The following ARB2A variants were observed in gnomAD, a reference collection of about 807,000 sequenced individuals.
ARB2A encodes the protein cotranscriptional regulator ARB2A.
chr5:93,798,455 A>G, the ARB2A span, among the ~76,000 whole-genome samples: 1 of 152,056 alleles, frequency 6.6e-6, no homozygotes, highest in African/African-American at 2.4e-5. Context: ...CTGCCTTAAG[A>G]TTTACATTCT....
the ARB2A span, among the ~76,000 whole-genome samples, chr5:94,082,021 C>G: frequency 6.6e-6 from 1 of 152,134 alleles, no homozygotes; most frequent in East Asian, 1.9e-4. Flanking sequence ...TAGCAATTGT[C>G]TAGGCATACT....
chr5:94,056,613 A>C, the ARB2A span, among the ~76,000 whole-genome samples: 1 of 151,358 alleles, frequency 6.6e-6, no homozygotes, highest in East Asian at 1.9e-4. Context: ...CTAGTGGTTA[A>C]AGTGATCCAG....
chr5:93,789,036 G>T, the ARB2A span, among the ~76,000 whole-genome samples: 3 of 152,266 alleles, frequency 2.0e-5, no homozygotes, highest in East Asian at 5.8e-4. Context: ...AGCCAGTGTG[G>T]GTTGGGGTAG....
chr5:93,893,477 C>G, the ARB2A span, among the ~76,000 whole-genome samples: 37 of 152,088 alleles, frequency 2.4e-4, no homozygotes, highest in Admixed American at 2.4e-3. Flanking sequence ...CAACGGGTGT[C>G]CAGTAATGGT....
the ARB2A span, among the ~76,000 whole-genome samples, chr5:94,011,707 T>C: frequency 1.3e-5 from 2 of 151,924 alleles, no homozygotes; most frequent in Non-Finnish European, 2.9e-5. Context: ...AAACGATAAA[T>C]TCGGTTTTGC....
At chr5:94,016,886 G>C in the ARB2A span, among the ~76,000 whole-genome samples, 1 of 152,178 alleles carries the variant, frequency 6.6e-6, no homozygotes, top group Non-Finnish European at 1.5e-5. Flanking sequence ...TAGGGTTGAA[G>C]TTTTTAAGTG....
At chr5:94,013,547 T>C in the ARB2A span, among the ~76,000 whole-genome samples, 1 of 152,112 alleles carries the variant, frequency 6.6e-6, no homozygotes, top group Non-Finnish European at 1.5e-5. Flanking sequence ...CTTTAACTCT[T>C]TGGGGCATGA....
the ARB2A span, among the ~76,000 whole-genome samples, chr5:93,899,111 G>C: frequency 6.6e-6 from 1 of 152,078 alleles, no homozygotes; most frequent in Non-Finnish European, 1.5e-5. Context: ...GAATTCTCAA[G>C]TGACAAAAAT....
chr5:93,807,196 G>A, the ARB2A span, among the ~76,000 whole-genome samples: 1 of 151,894 alleles, frequency 6.6e-6, no homozygotes, highest in African/African-American at 2.4e-5. Flanking sequence ...TAGCTGTGTA[G>A]GCAAATATGT....
chr5:93,991,113 T>C, the ARB2A span, among the ~76,000 whole-genome samples: 168 of 152,158 alleles, frequency 1.1e-3, no homozygotes, highest in African/African-American at 3.9e-3. Context: ...GGAGAAAACT[T>C]ACTGGAAAGC....
the ARB2A span, among the ~76,000 whole-genome samples, chr5:93,649,984 C>T: frequency 0.019 from 2,901 of 152,166 alleles, 106 homozygotes; most frequent in African/African-American, 0.067. Flanking sequence ...GACTCAACAA[C>T]TCATCATTCA....
At chr5:94,018,658 GAA>G in the ARB2A span, among the ~76,000 whole-genome samples, 8 of 152,026 alleles carry the variant, frequency 5.3e-5, no homozygotes, top group African/African-American at 1.7e-4. Context: ...AGTTCTCCTT[GAA>G]GAGGTCCTTC....
chr5:93,981,640 TATA>T, the ARB2A span, among the ~76,000 whole-genome samples: 1 of 151,722 alleles, frequency 6.6e-6, no homozygotes, highest in Non-Finnish European at 1.5e-5. Flanking sequence ...AAATATTTAA[TATA>T]ATATTTAATA....
chr5:93,706,004 C>G, the ARB2A span, among the ~76,000 whole-genome samples: 1 of 151,940 alleles, frequency 6.6e-6, no homozygotes, highest in Non-Finnish European at 1.5e-5. Context: ...AGAAGTTAAA[C>G]AGAAAATTAC....
At chr5:93,798,965 A>G in the ARB2A span, among the ~76,000 whole-genome samples, 12 of 152,090 alleles carry the variant, frequency 7.9e-5, no homozygotes, top group African/African-American at 2.7e-4. Context: ...CTGTTGTTTT[A>G]TTCTTTTTCT....
the ARB2A span, chr5:93,743,267 A>T: frequency 6.6e-6 from 1 of 152,310 alleles, no homozygotes; most frequent in African/African-American, 2.4e-5. Context: ...CCCTTGCTAG[A>T]ATGTGTGCCG....
At chr5:93,973,754 C>T in the ARB2A span, among the ~76,000 whole-genome samples, 1 of 152,150 alleles carries the variant, frequency 6.6e-6, no homozygotes, top group African/African-American at 2.4e-5. Flanking sequence ...ACTGGGGACC[C>T]ATTTTTAGCA....
chr5:93,937,792 A>C, the ARB2A span, among the ~76,000 whole-genome samples: 25,061 of 152,142 alleles, frequency 0.16, 2,638 homozygotes, highest in Non-Finnish European at 0.23. Context: ...GTATTTGCTC[A>C]TAGCCTACAT....
At chr5:93,813,774 T>A in the ARB2A span, among the ~76,000 whole-genome samples, 1 of 152,170 alleles carries the variant, frequency 6.6e-6, no homozygotes, top group African/African-American at 2.4e-5. Context: ...ATAAGCCACA[T>A]ACTCTATAAT....
Sources: gnomAD v4.1 joint callset for allele counts (sites outside exome capture counted in the v4.1 genomes callset) on GRCh38, gnomAD v4.1.1 for gene constraint, MANE v1.5 for transcripts, NCBI Gene and HGNC (gene_info 2026-07-23, HGNC 2026-07-21) for gene names.